Variants in FRMPD4 observed in about 807,000 individuals in gnomAD.
FRMPD4 encodes FERM and PDZ domain-containing protein 4.
In FRMPD4, 22 loss-of-function variants were observed where a neutral mutation model predicts 94.1. The observed-to-expected ratio is 0.23, with a 90% CI of 0.17 to 0.33. The LOEUF (loss-of-function observed/expected upper bound fraction) is 0.33, where lower values mean the gene tolerates loss of function less well. Among genes scored for constraint, FRMPD4 ranks in the 10% least tolerant of loss-of-function variants. The pLI is 1.00. For synonymous variants in FRMPD4, 631 were observed against 548.6 expected (o/e 1.15, Z -2.10); for missense variants, 1,111 against 1,339.9 (o/e 0.83, Z 2.67).
intron 3 of FRMPD4, among the ~76,000 whole-genome samples, chrX:11,989,703 G>A (rs190071980): frequency 8.9e-6 from 1 of 111,979 alleles, no homozygotes; most frequent in East Asian, 2.8e-4. Context: ...CATTCTCCAT[G>A]ATGTGATTAT....
At chrX:12,167,845 A>G (rs768858037) in intron 1 of FRMPD4, among the ~76,000 whole-genome samples, 17 of 112,150 alleles carry the variant, frequency 1.5e-4, no homozygotes, top group Non-Finnish European at 2.8e-4. Context: ...TAAACAAATT[A>G]TTTGTCTTCC....
Position 12,261,458 on chromosome X carries a change from TA to T in FRMPD4, c.41+122448del, listed in dbSNP as rs201250246. Among the ~76,000 whole-genome samples, 861 of 111,605 alleles carry T rather than the reference TA, an allele frequency of 7.7e-3. 13 individuals are homozygous for T. The highest frequency in any genetic ancestry group is 0.027 in the African/African-American group (824 of 30,735). On this transcript the variant is annotated intron_variant, in intron 1 of 16. Transcript: ENST00000675598. ...CCTCTTAAAATGTTCTCAGTGTATC[TA>T]ACCTACCCAAATGCATACCACTAGG...
chrX:11,863,061 T>A (rs1328913949), intron 1 of FRMPD4, among the ~76,000 whole-genome samples: 1 of 105,781 alleles, frequency 9.5e-6, no homozygotes, highest in Admixed American at 1.0e-4. Context: ...TTGTTACATA[T>A]GTACAACGTG....
chrX:11,927,863 G>A (rs1211122957), intron 3 of FRMPD4, among the ~76,000 whole-genome samples: 1 of 111,054 alleles, frequency 9.0e-6, no homozygotes, highest in African/African-American at 3.3e-5. Flanking sequence ...TCATGATGAA[G>A]ACACCAGAAA....
chrX:12,147,437 G>A (rs988942420), intron 1 of FRMPD4, among the ~76,000 whole-genome samples: 1 of 112,429 alleles, frequency 8.9e-6, no homozygotes, highest in African/African-American at 3.2e-5. Context: ...TAACCTGTTG[G>A]TCCTAGAAGC....
At chrX:12,545,381 C>G (rs2148319590) in intron 2 of FRMPD4, among the ~76,000 whole-genome samples, 1 of 111,976 alleles carries the variant, frequency 8.9e-6, no homozygotes, top group South Asian at 3.7e-4. Flanking sequence ...AGAATGTTCT[C>G]CATGGCTGCT....
At chrX:12,643,423 A>C (rs2059518042) in intron 4 of FRMPD4, among the ~76,000 whole-genome samples, 1 of 111,816 alleles carries the variant, frequency 8.9e-6, no homozygotes, top group African/African-American at 3.3e-5. Flanking sequence ...GTGCCTGGCA[A>C]ATAATTCAAT....
At chrX:12,177,700 A>G (rs1005543187) in intron 1 of FRMPD4, among the ~76,000 whole-genome samples, 2 of 111,995 alleles carry the variant, frequency 1.8e-5, no homozygotes, top group Admixed American at 9.5e-5. Flanking sequence ...CCAATCAACA[A>G]ATGTTTACGG....
intron 1 of FRMPD4, among the ~76,000 whole-genome samples, chrX:12,143,332 G>T (rs1253876481): frequency 8.9e-6 from 1 of 112,249 alleles, no homozygotes; most frequent in Non-Finnish European, 1.9e-5. Flanking sequence ...TTTTTAAATG[G>T]TTCAAAAATA....
At chrX:12,364,032 T>C (rs928885426) in intron 1 of FRMPD4, among the ~76,000 whole-genome samples, 1 of 111,627 alleles carries the variant, frequency 9.0e-6, no homozygotes, top group Admixed American at 9.5e-5. Context: ...TTAGAATCTA[T>C]GAGGTGTCAG....
chrX:12,721,438 C>A lies in FRMPD4; in HGVS notation c.4869C>A (p.Thr1623=), dbSNP rs1261567756. 1 of 752,630 alleles carries A rather than the reference C, an allele frequency of 1.3e-6. No individual in the cohort carries two copies. The highest frequency in any genetic ancestry group is 1.6e-6 in the Non-Finnish European group (1 of 637,905). 62.0% of individuals were successfully genotyped at this position (752,630 alleles called of 1,213,427 possible). The change falls in exon 17 of 17, where the codon ACC becomes ACA. Residue 1623 remains threonine (T), a synonymous_variant. Transcript: ENST00000675598. ...AGCTGCTCTGTCTCGTCAGGGCAAC[C>A]AAGGAGAAGAGGGAGGAGTCACGCC... is the stretch of plus-strand genomic sequence containing the variant. ...ANELLCLVRA[T]KEKREESRPE... is the part of the protein sequence containing the mutation.
intron 2 of FRMPD4, among the ~76,000 whole-genome samples, chrX:12,570,813 G>A (rs771042916): frequency 2.3e-4 from 25 of 111,106 alleles, no homozygotes; most frequent in Non-Finnish European, 4.3e-4. Flanking sequence ...TGTATACAGG[G>A]TGGATCTGCT....
chrX:12,674,499 CAGA>C (rs1271638256), intron 4 of FRMPD4, among the ~76,000 whole-genome samples: 1 of 112,151 alleles, frequency 8.9e-6, no homozygotes, highest in Non-Finnish European at 1.9e-5. Flanking sequence ...AAAGGAAAAT[CAGA>C]AGGAGAGAAT....
intron 4 of FRMPD4, among the ~76,000 whole-genome samples, chrX:12,666,118 G>A (rs1275990515): frequency 9.4e-6 from 1 of 106,949 alleles, no homozygotes; most frequent in African/African-American, 3.5e-5. Context: ...AAAAAAAGCA[G>A]GGGTTGCAAT....
chrX:11,908,524 G>A (rs1387165893), intron 3 of FRMPD4, among the ~76,000 whole-genome samples: 1 of 111,784 alleles, frequency 8.9e-6, no homozygotes, highest in African/African-American at 3.3e-5. Flanking sequence ...GACACTTGTG[G>A]GTTTTCACCC....
chrX:12,233,868 A>G (rs930497627), intron 1 of FRMPD4, among the ~76,000 whole-genome samples: 2 of 111,823 alleles, frequency 1.8e-5, no homozygotes, highest in Middle Eastern at 4.2e-3. Context: ...GGATCTTACA[A>G]TAGTCTTTGT....
At chrX:11,873,918 A>G (rs1312520262) in intron 2 of FRMPD4, among the ~76,000 whole-genome samples, 1 of 110,749 alleles carries the variant, frequency 9.0e-6, no homozygotes, top group East Asian at 2.8e-4. Flanking sequence ...CCAGACATGG[A>G]CCCTGTAATC....
intron 9 of FRMPD4, among the ~76,000 whole-genome samples, chrX:12,697,095 C>T (rs768377098): frequency 8.9e-6 from 1 of 112,518 alleles, no homozygotes; most frequent in African/African-American, 3.2e-5. Flanking sequence ...AAGTCAAGTC[C>T]TGTTCAATGA....
intron 3 of FRMPD4, among the ~76,000 whole-genome samples, chrX:11,896,295 G>A (rs1342429316): frequency 2.7e-5 from 3 of 112,301 alleles, no homozygotes; most frequent in Non-Finnish European, 5.6e-5. Flanking sequence ...CAACTGTGGT[G>A]TTTGTAAAGA....
Sources: allele counts gnomAD v4.1 joint callset (sites outside exome capture counted in the v4.1 genomes callset), GRCh38; gene constraint gnomAD v4.1.1; transcripts MANE v1.5; gene names NCBI Gene and HGNC (gene_info 2026-07-23, HGNC 2026-07-21).